Variants in SLC22A23 observed in about 807,000 individuals in gnomAD.
SLC22A23 encodes the protein solute carrier family 22 member 23.
A neutral mutation model predicts 61.0 loss-of-function variants in SLC22A23; 26 were observed. The observed-to-expected ratio is 0.43, with a 90% CI of 0.31 to 0.59. The LOEUF is 0.59. Ranked by LOEUF, SLC22A23 falls within the 20% of genes least tolerant of loss-of-function variation. The pLI, the probability that SLC22A23 is intolerant of heterozygous loss-of-function variation, is 0.11. For missense variants in SLC22A23, 796 were observed against 934.7 expected (o/e 0.85, Z 1.94); for synonymous variants, 430 against 413.9 (o/e 1.04, Z -0.47).
chr6:3,331,377 T>C (rs1235692975), intron 3 of SLC22A23, among the ~76,000 whole-genome samples: 1 of 152,164 alleles, frequency 6.6e-6, no homozygotes, highest in African/African-American at 2.4e-5. Flanking sequence ...GTCGCATGAA[T>C]AAATGTGAAC....
At chr6:3,350,395 A>G (rs1790600596) in intron 3 of SLC22A23, among the ~76,000 whole-genome samples, 1 of 152,238 alleles carries the variant, frequency 6.6e-6, no homozygotes, top group South Asian at 2.1e-4. Context: ...AAATGGTTCA[A>G]GACAACCAAA....
intron 2 of SLC22A23, among the ~76,000 whole-genome samples, chr6:3,411,654 C>A (rs950144984): frequency 6.6e-6 from 1 of 151,980 alleles, no homozygotes. Flanking sequence ...TAAGGCATGG[C>A]CTTACCCTAT....
chr6:3,388,874 GAGAC>G (rs1767474614), intron 3 of SLC22A23, among the ~76,000 whole-genome samples: 1 of 152,266 alleles, frequency 6.6e-6, no homozygotes, highest in African/African-American at 2.4e-5. Flanking sequence ...CAAATTCAAA[GAGAC>G]AGACAGCAGA....
rs1026887093 is a variant in SLC22A23 at position 3,324,363 on chromosome 6, C to T, written c.914-361G>A. On this transcript the variant is annotated intron_variant, in intron 3 of 9. Coordinates refer to ENST00000406686, the MANE Select transcript of SLC22A23 (RefSeq NM_015482.2). The surrounding 1 kb of genome is among the most constrained non-coding windows in gnomAD (Gnocchi z 4.3). Reference sequence around the variant, plus strand: ...CACTGAGCTTGCTGTCCAGCACGTTCCCCCCTCGTGCCCATCCTGTCGCCA... The same window carrying T: ...CACTGAGCTTGCTGTCCAGCACGTTTCCCCCTCGTGCCCATCCTGTCGCCA... 6.6e-6 allele frequency among the ~76,000 whole-genome samples: 1 copy of T among 152,150 alleles called. No individual in the cohort carries two copies. Among genetic ancestry groups the T allele is most frequent in the African/African-American group, 2.4e-5 (1 of 41,426 alleles).
In SLC22A23 at chr6:3,328,672, C is replaced by T. The variant is rs569348404; in HGVS notation, c.914-4670G>A. On this transcript the variant is annotated intron_variant, in intron 3 of 9. Transcript: ENST00000406686. This position sits in a 1 kb window ranked among gnomAD's most constrained non-coding sequence, Gnocchi z 5.0. Reference sequence around the variant, plus strand: ...CACCTGTGGACGGCAGTGCCCGCCCCCATGCCCTGGAGTCCTGATGGCTGG... The same window carrying T: ...CACCTGTGGACGGCAGTGCCCGCCCTCATGCCCTGGAGTCCTGATGGCTGG... Among the ~76,000 whole-genome samples, 2 of 152,280 alleles carry T rather than the reference C, an allele frequency of 1.3e-5. No homozygotes were observed. Among genetic ancestry groups the T allele is most frequent in the South Asian group, 4.1e-4 (2 of 4,826 alleles).
intron 1 of SLC22A23, among the ~76,000 whole-genome samples, chr6:3,435,196 G>A (rs1282738422): frequency 6.6e-6 from 1 of 152,092 alleles, no homozygotes; most frequent in Non-Finnish European, 1.5e-5. Context: ...CCACAGAGAA[G>A]CCAACTTCTC....
intron 1 of SLC22A23, among the ~76,000 whole-genome samples, chr6:3,446,579 G>A (rs1771907015): frequency 6.6e-6 from 1 of 152,166 alleles, no homozygotes; most frequent in African/African-American, 2.4e-5. Flanking sequence ...GACAGCCCTG[G>A]GAACAGGCTC....
chr6:3,369,804 GA>G (rs1337538657), intron 3 of SLC22A23, among the ~76,000 whole-genome samples: 3 of 152,170 alleles, frequency 2.0e-5, no homozygotes, highest in Non-Finnish European at 2.9e-5. Flanking sequence ...TTCATGCTTA[GA>G]ATGTGTGTGC....
rs181990335 is a variant in SLC22A23, at chr6:3,330,565, G to T, written c.914-6563C>A. ...CACCACTCAATAATTACTGCCACAGGCAAGGACGCATGGCCCCCAGAATCC... is the reference window on the plus strand; with the variant it reads ...CACCACTCAATAATTACTGCCACAGTCAAGGACGCATGGCCCCCAGAATCC... On this transcript the variant is annotated intron_variant, in intron 3 of 9. Coordinates refer to ENST00000406686, the MANE Select transcript of SLC22A23 (RefSeq NM_015482.2). The surrounding 1 kb of genome is among the most constrained non-coding windows in gnomAD (Gnocchi z 4.7). 2.1e-4 allele frequency among the ~76,000 whole-genome samples: 32 copies of T among 152,338 alleles called. No individual in the cohort carries two copies. The highest frequency in any genetic ancestry group is 1.0e-4 in the Non-Finnish European group (7 of 68,036).
At chr6:3,295,191 AC>A (rs1398099349) in intron 5 of SLC22A23, among the ~76,000 whole-genome samples, 26 of 152,170 alleles carry the variant, frequency 1.7e-4, no homozygotes, top group Admixed American at 1.7e-3. Flanking sequence ...GTAATAAGGA[AC>A]CCTGCAATTA....
chr6:3,344,585 T>A (rs9392483), intron 3 of SLC22A23, among the ~76,000 whole-genome samples: 58,887 of 152,132 alleles, frequency 0.39, 12,817 homozygotes, highest in African/African-American at 0.59. Flanking sequence ...AGCCATTCTA[T>A]AATGTTTGGG....
chr6:3,286,775 G>T lies in SLC22A23; in HGVS notation c.1546+84C>A. The T allele has an allele frequency of 1.7e-6, 2 of 1,152,414 alleles. No individual in the cohort carries two copies. Among genetic ancestry groups the T allele is most frequent in the Non-Finnish European group, 1.3e-6 (1 of 797,220 alleles). 71.4% of individuals were successfully genotyped at this position (1,152,414 alleles called of 1,614,324 possible). On this transcript the variant is annotated intron_variant, in intron 7 of 9. Coordinates refer to ENST00000406686, the MANE Select transcript of SLC22A23 (RefSeq NM_015482.2). The surrounding 1 kb of genome is among the most constrained non-coding windows in gnomAD (Gnocchi z 4.2). ...GCAGTAGATTTTAGAGTGGCCAGCG[G>T]AGTCTTATGCAGCCCTTTCAAATGC...
chr6:3,324,203 G>T lies in SLC22A23; in HGVS notation c.914-201C>A, dbSNP rs919790615. On this transcript the variant is annotated intron_variant, in intron 3 of 9. Coordinates refer to ENST00000406686, the MANE Select transcript of SLC22A23 (RefSeq NM_015482.2). This position sits in a 1 kb window ranked among gnomAD's most constrained non-coding sequence, Gnocchi z 4.3. Reference sequence around the variant, plus strand: ...TCCAACTGGGAAGGGAAGTGAGACGGTTGTTCAAGGCCACAGGGCTAGTCG... The same window carrying T: ...TCCAACTGGGAAGGGAAGTGAGACGTTTGTTCAAGGCCACAGGGCTAGTCG... 4 of 609,100 alleles carry T rather than the reference G, an allele frequency of 6.6e-6. No individual in the cohort carries two copies. The highest frequency in any genetic ancestry group is 1.8e-5 in the African/African-American group (1 of 54,072). The allele number at this position is 609,100 out of a possible 1,614,324, so 37.7% of individuals were successfully genotyped here. A position where few individuals can be genotyped will look rare whatever the true frequency, so the allele number is the denominator to read the frequency against.
Position 3,308,242 on chromosome 6 carries a change from C to A in SLC22A23, c.1083-10024G>T. 6.6e-6 allele frequency among the ~76,000 whole-genome samples: 1 copy of A among 152,108 alleles called. No individual in the cohort carries two copies. Among genetic ancestry groups the A allele is most frequent in the East Asian group, 1.9e-4 (1 of 5,196 alleles). On this transcript the variant is annotated intron_variant, in intron 4 of 9. Coordinates refer to ENST00000406686, the MANE Select transcript of SLC22A23 (RefSeq NM_015482.2). The surrounding 1 kb of genome is among the most constrained non-coding windows in gnomAD (Gnocchi z 5.1). Reference sequence around the variant, plus strand: ...ATTACAGAGAAGACGAAAGCCCCCCCATACCGCTCACCCCAATCCCAGTGC... The same window carrying A: ...ATTACAGAGAAGACGAAAGCCCCCCAATACCGCTCACCCCAATCCCAGTGC...
At chr6:3,432,750 C>G (rs1031599111) in intron 1 of SLC22A23, among the ~76,000 whole-genome samples, 1 of 152,168 alleles carries the variant, frequency 6.6e-6, no homozygotes, top group South Asian at 2.1e-4. Flanking sequence ...AAGCACTGAA[C>G]TTTTCATATG....
chr6:3,273,857 A>G (rs1314042914), intron 9 of SLC22A23, among the ~76,000 whole-genome samples: 3 of 152,188 alleles, frequency 2.0e-5, no homozygotes, highest in Admixed American at 1.3e-4. Flanking sequence ...AGAGGGTACT[A>G]AGGACATACC....
intron 3 of SLC22A23, among the ~76,000 whole-genome samples, chr6:3,332,885 C>T (rs767708355): frequency 1.3e-5 from 2 of 152,116 alleles, no homozygotes; most frequent in Non-Finnish European, 2.9e-5. Flanking sequence ...TTGAAGAAAC[C>T]GCTGGTTTTA....
intron 1 of SLC22A23, among the ~76,000 whole-genome samples, chr6:3,428,999 A>G (rs1036701809): frequency 9.4e-5 from 14 of 148,194 alleles, no homozygotes; most frequent in Admixed American, 2.7e-4. Flanking sequence ...TGGCTTCGGA[A>G]ACCCTCTCCC....
intron 3 of SLC22A23, among the ~76,000 whole-genome samples, chr6:3,345,363 CT>C (rs1163840651): frequency 0.056 from 6,972 of 124,648 alleles, 109 homozygotes; most frequent in Non-Finnish European, 0.067. Flanking sequence ...TATCTCTTTT[CT>C]TTTTTTTTTT....
Sources: allele counts gnomAD v4.1 joint callset (sites outside exome capture counted in the v4.1 genomes callset), GRCh38; gene constraint gnomAD v4.1.1; non-coding constraint Gnocchi (gnomAD v3.1); transcripts MANE v1.5; gene names NCBI Gene and HGNC (gene_info 2026-07-23, HGNC 2026-07-21).